GLG1: variants seen among roughly 807,000 people sequenced by gnomAD.
The protein encoded by GLG1 is Golgi apparatus protein 1.
A neutral mutation model predicts 160.5 loss-of-function variants in GLG1; 38 were observed. The ratio of observed to expected loss-of-function variants is 0.24; its 90% CI spans 0.18 to 0.31. The LOEUF (loss-of-function observed/expected upper bound fraction) is 0.31, where lower values mean the gene tolerates loss of function less well. Among genes scored for constraint, GLG1 ranks in the 10% least tolerant of loss-of-function variants. GLG1 has a pLI of 1.00. For synonymous variants in GLG1, 644 were observed against 543.4 expected (o/e 1.19, Z -2.57); for missense variants, 1,373 against 1,505.2 (o/e 0.91, Z 1.45).
chr16:74,563,724 C>A (rs1304996560), intron 1 of GLG1, among the ~76,000 whole-genome samples: 1 of 139,288 alleles, frequency 7.2e-6, no homozygotes, highest in Non-Finnish European at 1.5e-5. Flanking sequence ...GAGACCCTGT[C>A]TCAAAAAAAA....
At chr16:74,506,880 G>A (rs1226442272) in intron 3 of GLG1, among the ~76,000 whole-genome samples, 3 of 152,152 alleles carry the variant, frequency 2.0e-5, no homozygotes, top group Non-Finnish European at 4.4e-5. Flanking sequence ...TTTAAGAATA[G>A]GAGTAAACTC....
At chr16:74,514,723 C>T (rs1291582724) in intron 2 of GLG1, among the ~76,000 whole-genome samples, 1 of 152,170 alleles carries the variant, frequency 6.6e-6, no homozygotes, top group Admixed American at 6.5e-5. Context: ...TATGAAGAGA[C>T]TGCATCAATT....
intron 1 of GLG1, among the ~76,000 whole-genome samples, chr16:74,544,867 A>T (rs569747761): frequency 1.1e-3 from 166 of 152,208 alleles, no homozygotes; most frequent in Middle Eastern, 3.4e-3. Flanking sequence ...GCTAGTAGTA[A>T]GTATGTAATA....
intron 4 of GLG1, among the ~76,000 whole-genome samples, chr16:74,498,447 A>AAGTATATATATAT (rs1491293119): frequency 1.2e-4 from 1 of 8,208 alleles, no homozygotes; most frequent in African/African-American, 2.1e-4. Context: ...AAAAAAAAAA[A>AAGTATATATATAT]GTATATATAT....
At chr16:74,505,848 A>C (rs11149756) in intron 3 of GLG1, among the ~76,000 whole-genome samples, 150,974 of 151,762 alleles carry the variant, frequency 0.99, 75,102 homozygotes, top group Middle Eastern at 1. Flanking sequence ...GAGCGAGACT[A>C]CTTCTCTAAA....
rs200390420 is a variant in GLG1, at chr16:74,474,561, A to G, written c.2037T>C (p.Thr679=). The change falls in exon 13 of 26, where the codon ACT becomes ACC. Residue 679 remains threonine (T), a synonymous_variant. Coordinates refer to ENST00000422840, the MANE Select transcript of GLG1 (RefSeq NM_001145667.2). ...TACCACTTACCTCTGATTCTAACTC[A>G]GTGAGGTTGCCAACTATATCTCTAC... ...VECRDIVGNL[T]ELESEDIQIE... is the part of the protein sequence containing the mutation. 15 of 1,525,716 alleles carry G rather than the reference A, an allele frequency of 9.8e-6. No homozygotes were observed. In the East Asian group the frequency reaches 2.9e-4, roughly 30 times the overall value. 94.5% of individuals were successfully genotyped at this position (1,525,716 alleles called of 1,614,324 possible). A position where few individuals can be genotyped will look rare whatever the true frequency, so the allele number is the denominator to read the frequency against.
At position 74,449,588 on chromosome 16, in the gene GLG1, T is replaced by C. The variant is rs1445710120; in HGVS notation, c.*3579A>G. The C allele has an allele frequency of 6.6e-6, 1 of 152,218 alleles. No individual in the cohort carries two copies. Among genetic ancestry groups the C allele is most frequent in the African/African-American group, 2.4e-5 (1 of 41,452 alleles). 9.4% of individuals were successfully genotyped at this position (152,218 alleles called of 1,614,324 possible). On this transcript the variant is annotated 3_prime_UTR_variant, in exon 26 of 26. Coordinates refer to ENST00000422840, the MANE Select transcript of GLG1 (RefSeq NM_001145667.2). ...AGGGAAAGCTGTCTCTTCACCAGGATGCATCCCCACCCTGGCCAGCTGAGT... is the reference window on the plus strand; with the variant it reads ...AGGGAAAGCTGTCTCTTCACCAGGACGCATCCCCACCCTGGCCAGCTGAGT...
At chr16:74,480,453 G>C (rs2015558069) in intron 10 of GLG1, 59 bp from the exon 11 acceptor site, 10 of 1,313,936 alleles carry the variant, frequency 7.6e-6, no homozygotes, top group African/African-American at 1.5e-5. Context: ...TTCTAACACA[G>C]GCTCAGGGTT....
chr16:74,600,797 A>G (rs1198393734), intron 1 of GLG1, among the ~76,000 whole-genome samples: 1 of 151,918 alleles, frequency 6.6e-6, no homozygotes, highest in East Asian at 1.9e-4. Flanking sequence ...AGAATAGCAG[A>G]GCTGTGTTCC....
At chr16:74,475,049 C>T (rs887235676) in intron 12 of GLG1, among the ~76,000 whole-genome samples, 6 of 150,500 alleles carry the variant, frequency 4.0e-5, no homozygotes, top group Non-Finnish European at 5.9e-5. Context: ...CCCAGCAACT[C>T]AGGAGGCTAA....
chr16:74,474,761 C>A, intron 12 of GLG1, 129 bp from the exon 13 acceptor site: 2 of 684,858 alleles, frequency 2.9e-6, no homozygotes. Context: ...AATTACCTCA[C>A]TGAACAGGAC....
At chr16:74,483,193 C>T (rs1326471976) in intron 9 of GLG1, 69 bp from the exon 10 acceptor site, 3 of 905,686 alleles carry the variant, frequency 3.3e-6, no homozygotes, top group East Asian at 2.4e-5. Context: ...TATAGTATTT[C>T]CCTGGTCTGT....
intron 1 of GLG1, among the ~76,000 whole-genome samples, chr16:74,597,371 C>A (rs1252688073): frequency 6.8e-6 from 1 of 146,536 alleles, no homozygotes; most frequent in African/African-American, 2.5e-5. Flanking sequence ...GCTGAGGTTG[C>A]AGTGAGCTGA....
At chr16:74,562,156 T>C (rs1004190232) in intron 1 of GLG1, among the ~76,000 whole-genome samples, 5 of 152,250 alleles carry the variant, frequency 3.3e-5, no homozygotes, top group Admixed American at 1.3e-4. Flanking sequence ...TCTCCAGTGA[T>C]AGTGGTACTT....
At chr16:74,497,496 G>T (rs1327980016) in intron 4 of GLG1, among the ~76,000 whole-genome samples, 1 of 139,726 alleles carries the variant, frequency 7.2e-6, no homozygotes, top group African/African-American at 2.7e-5. Flanking sequence ...GGACTGCAGT[G>T]GCGCTATCTC....
At chr16:74,523,652 T>C (rs1251418589) in intron 2 of GLG1, among the ~76,000 whole-genome samples, 1 of 152,120 alleles carries the variant, frequency 6.6e-6, no homozygotes, top group Non-Finnish European at 1.5e-5. Flanking sequence ...TTACACATTT[T>C]TGTTAGATTT....
chr16:74,507,088 G>T lies in GLG1; in HGVS notation c.558+1751C>A, dbSNP rs1194503372. On this transcript the variant is annotated intron_variant, in intron 3 of 25. Coordinates refer to ENST00000422840, the MANE Select transcript of GLG1 (RefSeq NM_001145667.2). ...GAAGTAGGATTCCAAAATTAAGAAAGATGATAGAATGAAAATACAGAATGA... is the reference window on the plus strand; with the variant it reads ...GAAGTAGGATTCCAAAATTAAGAAATATGATAGAATGAAAATACAGAATGA... Among the ~76,000 whole-genome samples the T allele has an allele frequency of 2.6e-5, 4 of 152,162 alleles. No homozygotes were observed. In the East Asian group the frequency reaches 7.7e-4, roughly 29 times the overall value.
At chr16:74,479,329 C>T (rs1038580379) in intron 11 of GLG1, among the ~76,000 whole-genome samples, 1 of 151,186 alleles carries the variant, frequency 6.6e-6, no homozygotes, top group African/African-American at 2.4e-5. Context: ...ACCACAGACT[C>T]CAACTCTTTC....
At chr16:74,454,271 T>A (rs1269019722) in intron 25 of GLG1, among the ~76,000 whole-genome samples, 1 of 151,904 alleles carries the variant, frequency 6.6e-6, no homozygotes, top group African/African-American at 2.4e-5. Context: ...AGTGGTGCGA[T>A]CACAGCTCAC....
Sources: allele counts gnomAD v4.1 joint callset (sites outside exome capture counted in the v4.1 genomes callset), GRCh38; gene constraint gnomAD v4.1.1; transcripts MANE v1.5; gene names NCBI Gene and HGNC (gene_info 2026-07-23, HGNC 2026-07-21).